Variants in FAM135B observed in about 807,000 individuals in gnomAD.
FAM135B encodes family with sequence similarity 135 member B.
Under a neutral mutation model 127.7 loss-of-function variants are expected in FAM135B, and 43 were observed. The observed-to-expected ratio is 0.34, with a 90% CI of 0.26 to 0.43. The LOEUF is 0.43. Ranked by LOEUF, FAM135B falls within the 20% of genes least tolerant of loss-of-function variation. The pLI, the probability that FAM135B is intolerant of heterozygous loss-of-function variation, is 1.00. For synonymous variants in FAM135B, 670 were observed against 665.1 expected, an observed-to-expected ratio of 1.01 and a Z score of -0.11; for missense variants, 1,558 against 1,725.6, an observed-to-expected ratio of 0.90 and a Z score of 1.72.
intron 9 of FAM135B, among the ~76,000 whole-genome samples, chr8:138,191,641 G>A (rs987311225): frequency 1.3e-5 from 2 of 152,116 alleles, no homozygotes; most frequent in African/African-American, 4.8e-5. Context: ...AAGCACTGGG[G>A]GCTTGGGAAA....
chr8:138,221,408 A>G (rs1353933799), intron 7 of FAM135B, among the ~76,000 whole-genome samples: 1 of 152,194 alleles, frequency 6.6e-6, no homozygotes, highest in Admixed American at 6.5e-5. Context: ...CTCTGCCCTC[A>G]TGATCCAATC....
At chr8:138,464,823 C>G (rs190934493) in intron 1 of FAM135B, among the ~76,000 whole-genome samples, 2 of 152,300 alleles carry the variant, frequency 1.3e-5, no homozygotes, top group African/African-American at 2.4e-5. Flanking sequence ...TGCACTGCCC[C>G]CTACGCTGGC....
At chr8:138,395,488 G>C (rs900939914) in intron 1 of FAM135B, among the ~76,000 whole-genome samples, 1 of 152,144 alleles carries the variant, frequency 6.6e-6, no homozygotes, top group African/African-American at 2.4e-5. Context: ...TACCACCTGG[G>C]TGACCTTTGC....
intron 7 of FAM135B, among the ~76,000 whole-genome samples, chr8:138,207,017 G>A (rs983707638): frequency 2.0e-5 from 3 of 152,036 alleles, no homozygotes; most frequent in Admixed American, 6.6e-5. Context: ...TCCTACAAGC[G>A]AGTGTTGAGT....
intron 1 of FAM135B, among the ~76,000 whole-genome samples, chr8:138,370,095 C>G (rs1295006192): frequency 6.6e-6 from 1 of 152,222 alleles, no homozygotes; most frequent in Non-Finnish European, 1.5e-5. Flanking sequence ...CCGAGCCACA[C>G]AGACAGTGGT....
Position 138,444,772 on chromosome 8 carries a change from G to C in FAM135B, c.-20+51899C>G, listed in dbSNP as rs1836013349. On this transcript the variant is annotated intron_variant, in intron 1 of 19. Coordinates refer to ENST00000395297, the MANE Select transcript of FAM135B (RefSeq NM_015912.4). ...GAAGCAACAGCAAACACATTCAAAA[G>C]CTAGCAGAAGGCAAGAAATAACTAA... Among the ~76,000 whole-genome samples the C allele has an allele frequency of 2.0e-5, 3 of 152,102 alleles. No homozygotes were observed. The South Asian group carries it at 6.2e-4, about 32-fold the overall frequency.
At chr8:138,177,451 T>C (rs767318250) in intron 10 of FAM135B, 31 bp from the exon 11 acceptor site, 1 of 1,582,384 alleles carries the variant, frequency 6.3e-7, no homozygotes, top group Non-Finnish European at 8.6e-7. Flanking sequence ...AACAGTTCAA[T>C]TCTTTAGGTA....
intron 3 of FAM135B, among the ~76,000 whole-genome samples, chr8:138,273,618 C>T (rs1267356248): frequency 6.6e-6 from 1 of 152,138 alleles, no homozygotes; most frequent in Admixed American, 6.5e-5. Context: ...CTGGGAGATG[C>T]TGGGTGAGAT....
chr8:138,465,280 T>G (rs566493331), intron 1 of FAM135B, among the ~76,000 whole-genome samples: 1 of 152,160 alleles, frequency 6.6e-6, no homozygotes, highest in Admixed American at 6.5e-5. Context: ...TCCTAGTAGA[T>G]GCTTATGAAG....
chr8:138,245,176 T>G (rs901526919), intron 6 of FAM135B, among the ~76,000 whole-genome samples: 4 of 152,228 alleles, frequency 2.6e-5, no homozygotes, highest in African/African-American at 9.6e-5. Context: ...CCAGCAAGGT[T>G]GCTGCAGACA....
At chr8:138,206,478 T>G in intron 7 of FAM135B, among the ~76,000 whole-genome samples, 1 of 151,356 alleles carries the variant, frequency 6.6e-6, no homozygotes, top group South Asian at 2.1e-4. Context: ...CCCCTCCACC[T>G]ACACACAGCT....
At chr8:138,454,087 G>A (rs1041297611) in intron 1 of FAM135B, among the ~76,000 whole-genome samples, 1 of 152,022 alleles carries the variant, frequency 6.6e-6, no homozygotes, top group African/African-American at 2.4e-5. Context: ...CGGGATGCAG[G>A]AGAGGAGAAT....
chr8:138,446,156 G>A (rs936175634), intron 1 of FAM135B, among the ~76,000 whole-genome samples: 12 of 152,088 alleles, frequency 7.9e-5, no homozygotes, highest in Non-Finnish European at 1.6e-4. Flanking sequence ...AATAAAAGAG[G>A]ATACAAACAA....
intron 1 of FAM135B, among the ~76,000 whole-genome samples, chr8:138,424,054 T>C (rs1314089537): frequency 2.0e-5 from 3 of 152,198 alleles, no homozygotes; most frequent in Non-Finnish European, 4.4e-5. Flanking sequence ...TCATGTTCTT[T>C]TTTTCAAGGT....
At chr8:138,362,885 C>A (rs1279723382) in intron 2 of FAM135B, among the ~76,000 whole-genome samples, 1 of 152,096 alleles carries the variant, frequency 6.6e-6, no homozygotes, top group Non-Finnish European at 1.5e-5. Flanking sequence ...GAAAGCAATA[C>A]CATATGCCAA....
At chr8:138,226,637 C>G (rs112487277) in intron 7 of FAM135B, among the ~76,000 whole-genome samples, 1 of 152,170 alleles carries the variant, frequency 6.6e-6, no homozygotes. Flanking sequence ...TGTCAGCTCA[C>G]TGCAACCACC....
At chr8:138,166,390 G>A (rs1287155506) in intron 12 of FAM135B, among the ~76,000 whole-genome samples, 1 of 152,200 alleles carries the variant, frequency 6.6e-6, no homozygotes, top group Non-Finnish European at 1.5e-5. Flanking sequence ...ATGTGTGAAA[G>A]CAGCAAAACA....
intron 1 of FAM135B, among the ~76,000 whole-genome samples, chr8:138,370,049 A>C (rs143217982): frequency 2.0e-5 from 3 of 152,276 alleles, no homozygotes; most frequent in African/African-American, 7.2e-5. Flanking sequence ...GACTTCACAC[A>C]ATCCTCAAAA....
rs2130904255 is a variant in FAM135B, at chr8:138,168,065, C to T, written c.1104-16G>A. On this transcript the variant is annotated splice_polypyrimidine_tract_variant and intron_variant, in intron 11 of 19. Coordinates refer to ENST00000395297, the MANE Select transcript of FAM135B (RefSeq NM_015912.4). Reference sequence around the variant, plus strand: ...CGTCTGTATCCTGGGGAGCACATGGCAGGGTGAGCGTCCAGGGAAGAGTCA... The same window carrying T: ...CGTCTGTATCCTGGGGAGCACATGGTAGGGTGAGCGTCCAGGGAAGAGTCA... The T allele has an allele frequency of 6.2e-7, 1 of 1,603,892 alleles. No individual in the cohort carries two copies. The highest frequency in any genetic ancestry group is 8.5e-7 in the Non-Finnish European group (1 of 1,174,932).
Sources: gnomAD v4.1 joint callset for allele counts (sites outside exome capture counted in the v4.1 genomes callset) on GRCh38, gnomAD v4.1.1 for gene constraint, MANE v1.5 for transcripts, NCBI Gene and HGNC (gene_info 2026-07-23, HGNC 2026-07-21) for gene names.